The following SPTLC2 variants were observed in gnomAD, a reference collection of about 807,000 sequenced individuals.
The protein encoded by SPTLC2 is serine palmitoyltransferase 2.
In SPTLC2, 21 loss-of-function variants were observed where a neutral mutation model predicts 62.0. The observed-to-expected ratio is 0.34, with a 90% CI of 0.24 to 0.49. The LOEUF (loss-of-function observed/expected upper bound fraction) is 0.49. Among genes scored for constraint, SPTLC2 ranks in the 20% least tolerant of loss-of-function variants. The pLI, the probability that SPTLC2 is intolerant of heterozygous loss-of-function variation, is 0.99. For synonymous variants in SPTLC2, 261 were observed against 261.8 expected (o/e 1.00, Z 0.03); for missense variants, 511 against 713.0 (o/e 0.72, Z 3.23).
intron 2 of SPTLC2, among the ~76,000 whole-genome samples, chr14:77,589,066 C>A (rs2079800402): frequency 7.1e-6 from 1 of 141,246 alleles, no homozygotes; most frequent in African/African-American, 2.7e-5. Context: ...AAAAGGAAAG[C>A]ATTATAAATT....
Position 77,511,864 on chromosome 14 carries a change from A to C in SPTLC2, c.*420T>G. 1 of 249,454 alleles carries C rather than the reference A, an allele frequency of 4.0e-6. No individual in the cohort carries two copies. Among genetic ancestry groups the C allele is most frequent in the Non-Finnish European group, 7.9e-6 (1 of 126,172 alleles). The allele number at this position is 249,454 out of a possible 1,614,324, so 15.5% of individuals were successfully genotyped here. A position where few individuals can be genotyped will look rare whatever the true frequency, so the allele number is the denominator to read the frequency against. On this transcript the variant is annotated 3_prime_UTR_variant, in exon 12 of 12. Transcript: ENST00000216484. ...AGTAAGTGGAAGGCACTTGCTCCCT[A>C]GGGAGGAGGGCCAGGTAAGTATCCA...
At chr14:77,611,753 G>C (rs2079939171) in intron 1 of SPTLC2, among the ~76,000 whole-genome samples, 1 of 151,774 alleles carries the variant, frequency 6.6e-6, no homozygotes, top group African/African-American at 2.4e-5. Flanking sequence ...TTGAACCCGG[G>C]AGGTGGAGGC....
chr14:77,587,200 C>A (rs2079786341), intron 2 of SPTLC2, among the ~76,000 whole-genome samples: 1 of 151,734 alleles, frequency 6.6e-6, no homozygotes, highest in African/African-American at 2.4e-5. Flanking sequence ...TGCACTCCTC[C>A]AGCCTGGGTG....
chr14:77,607,970 T>G (rs1480633663), intron 1 of SPTLC2, among the ~76,000 whole-genome samples: 1 of 152,112 alleles, frequency 6.6e-6, no homozygotes, highest in Non-Finnish European at 1.5e-5. Context: ...GAAATCAATG[T>G]GAGAAAAGAG....
At chr14:77,553,863 G>A (rs896343263) in intron 8 of SPTLC2, among the ~76,000 whole-genome samples, 1 of 151,896 alleles carries the variant, frequency 6.6e-6, no homozygotes, top group Non-Finnish European at 1.5e-5. Context: ...TGCCCAGGCT[G>A]CAATGCAGTG....
At chr14:77,551,775 C>A (rs542566024) in intron 9 of SPTLC2, among the ~76,000 whole-genome samples, 1 of 152,252 alleles carries the variant, frequency 6.6e-6, no homozygotes, top group East Asian at 1.9e-4. Context: ...ACATCACTAA[C>A]AGTGAATTAT....
At chr14:77,530,450 TC>T (rs1390756976) in intron 9 of SPTLC2, among the ~76,000 whole-genome samples, 25 of 152,276 alleles carry the variant, frequency 1.6e-4, no homozygotes, top group Non-Finnish European at 3.4e-4. Context: ...TGCCTCAGCC[TC>T]CTGAGTAGCT....
chr14:77,525,343 G>A (rs2079403825), intron 9 of SPTLC2, among the ~76,000 whole-genome samples: 1 of 152,104 alleles, frequency 6.6e-6, no homozygotes, highest in African/African-American at 2.4e-5. Context: ...TGTAATCCCA[G>A]CACTTTGGGA....
intron 1 of SPTLC2, among the ~76,000 whole-genome samples, chr14:77,609,099 AT>A (rs2079921291): frequency 6.6e-6 from 1 of 151,904 alleles, no homozygotes; most frequent in Non-Finnish European, 1.5e-5. Context: ...TGTAAACCCC[AT>A]TTTGTATTCT....
chr14:77,557,648 T>C (rs1320421617), intron 6 of SPTLC2, among the ~76,000 whole-genome samples: 1 of 152,240 alleles, frequency 6.6e-6, no homozygotes, highest in Non-Finnish European at 1.5e-5. Flanking sequence ...ACCCAGGACG[T>C]ACTCAATAAA....
At chr14:77,554,825 TA>T (rs1452346300) in intron 8 of SPTLC2, 1 of 178,976 alleles carries the variant, frequency 5.6e-6, no homozygotes, top group Non-Finnish European at 1.2e-5. Context: ...CTTCATAGTT[TA>T]AAAATTGAAA....
chr14:77,557,418 T>G (rs910858162), intron 6 of SPTLC2: 11 of 458,204 alleles, frequency 2.4e-5, no homozygotes, highest in Non-Finnish European at 4.0e-5. Flanking sequence ...AAATGACCAG[T>G]GTCTCATGTT....
chr14:77,595,394 T>C (rs2079841037), intron 2 of SPTLC2, among the ~76,000 whole-genome samples: 1 of 152,054 alleles, frequency 6.6e-6, no homozygotes, highest in African/African-American at 2.4e-5. Context: ...ATAAAAAATG[T>C]TAAAAATGTG....
intron 1 of SPTLC2, among the ~76,000 whole-genome samples, chr14:77,609,920 A>G (rs1471989032): frequency 6.6e-6 from 1 of 152,122 alleles, no homozygotes; most frequent in African/African-American, 2.4e-5. Flanking sequence ...TAATTAATAT[A>G]CAAGTTTCTG....
intron 5 of SPTLC2, among the ~76,000 whole-genome samples, chr14:77,567,546 T>C (rs2079652235): frequency 6.6e-6 from 1 of 152,254 alleles, no homozygotes; most frequent in African/African-American, 2.4e-5. Context: ...TTGTTCTTAA[T>C]ACTCCCTTAT....
intron 1 of SPTLC2, among the ~76,000 whole-genome samples, chr14:77,611,137 CAAAAA>C (rs71128656): frequency 2.4e-5 from 3 of 126,516 alleles, no homozygotes; most frequent in Admixed American, 8.1e-5. Flanking sequence ...ACTAAAAATA[CAAAAA>C]AAAAAAAAAA....
At chr14:77,588,047 A>C (rs981491039) in intron 2 of SPTLC2, among the ~76,000 whole-genome samples, 2 of 151,890 alleles carry the variant, frequency 1.3e-5, no homozygotes, top group Non-Finnish European at 2.9e-5. Context: ...CTATCTCCCC[A>C]CCTCAGCCTC....
intron 9 of SPTLC2, 52 bp downstream of exon 9, chr14:77,552,044 C>G (rs1252966798): frequency 4.4e-6 from 7 of 1,608,336 alleles, no homozygotes; most frequent in Non-Finnish European, 3.4e-6. Context: ...AAAAACAGCA[C>G]GTTTGGCTGC....
At chr14:77,604,721 G>A (rs955383018) in intron 1 of SPTLC2, among the ~76,000 whole-genome samples, 1 of 151,950 alleles carries the variant, frequency 6.6e-6, no homozygotes, top group Non-Finnish European at 1.5e-5. Context: ...TACAAAATTA[G>A]CCGGGCGTGG....
Sources: allele counts gnomAD v4.1 joint callset (sites outside exome capture counted in the v4.1 genomes callset), GRCh38; gene constraint gnomAD v4.1.1; transcripts MANE v1.5; gene names NCBI Gene and HGNC (gene_info 2026-07-23, HGNC 2026-07-21).